The following C4orf36 variants were observed in gnomAD, a reference collection of about 807,000 sequenced individuals.
C4orf36 encodes chromosome 4 open reading frame 36.
A neutral mutation model predicts 12.2 loss-of-function variants in C4orf36; 11 were observed. That is an observed-to-expected ratio of 0.90 (90% CI 0.57 to 1.49). The LOEUF is 1.49. Among genes scored for constraint, C4orf36 ranks in the 40% most tolerant of loss-of-function variants. The probability of loss-of-function intolerance (pLI) is 0.00; values close to 1 mark genes in which losing one functional copy is unlikely to be tolerated. For synonymous variants in C4orf36, 54 were observed against 51.3 expected (o/e 1.05, Z -0.22); for missense variants, 137 against 133.9 (o/e 1.02, Z -0.11).
chr4:86,905,262 C>T, the C4orf36 span, among the ~76,000 whole-genome samples: 13 of 151,528 alleles, frequency 8.6e-5, no homozygotes, highest in Non-Finnish European at 1.9e-4. Context: ...ACATGCCTGT[C>T]GTCCTTGCTA....
At chr4:86,934,926 G>C in the C4orf36 span, 1 of 152,096 alleles carries the variant, frequency 6.6e-6, no homozygotes, top group African/African-American at 2.4e-5. Context: ...CGGTACCGCA[G>C]CTCGGGAGGT....
chr4:86,928,811 C>T, the C4orf36 span, among the ~76,000 whole-genome samples: 1 of 152,100 alleles, frequency 6.6e-6, no homozygotes, highest in Non-Finnish European at 1.5e-5. Context: ...TATTTAACTC[C>T]CTCTGCCCAC....
chr4:86,908,200 C>T, the C4orf36 span, among the ~76,000 whole-genome samples: 7 of 150,884 alleles, frequency 4.6e-5, no homozygotes, highest in African/African-American at 1.7e-4. Flanking sequence ...CACACACACA[C>T]ACACACACAC....
chr4:86,935,079 C>T, the C4orf36 span: 19 of 152,194 alleles, frequency 1.2e-4, no homozygotes, highest in Non-Finnish European at 1.6e-4. Flanking sequence ...GCGTTGCGGC[C>T]GCAGCTGCAC....
At chr4:86,935,880 G>C in the C4orf36 span, 1 of 152,116 alleles carries the variant, frequency 6.6e-6, no homozygotes, top group Non-Finnish European at 1.5e-5. Context: ...TTTTTCCCTC[G>C]GGTGTCCCAT....
the C4orf36 span, among the ~76,000 whole-genome samples, chr4:86,906,536 T>C: frequency 2.0e-5 from 3 of 151,728 alleles, no homozygotes; most frequent in East Asian, 5.9e-4. Context: ...GAGACCAGCC[T>C]GGGCAACATG....
chr4:86,917,598 A>AGGAGGGAG, the C4orf36 span, among the ~76,000 whole-genome samples: 1 of 147,510 alleles, frequency 6.8e-6, no homozygotes, highest in Non-Finnish European at 1.5e-5. Context: ...AAGGGAAAGA[A>AGGAGGGAG]GGAGGGAGGA....
chr4:86,892,239 A>C lies in C4orf36; in HGVS notation c.-130T>G, dbSNP rs1747449026. 1.4e-5 allele frequency: 14 copies of C among 985,740 alleles called. No individual in the cohort carries two copies. The highest frequency in any genetic ancestry group is 1.7e-5 in the Non-Finnish European group (14 of 830,222). The allele number at this position is 985,740 out of a possible 1,614,324, so 61.1% of individuals were successfully genotyped here. Reference sequence around the variant, plus strand: ...AATGCGCTGTGTGCGCGGGGCTTCCAGGGTGGCGGGTCCCCGCGAGCCGGC... The same window carrying C: ...AATGCGCTGTGTGCGCGGGGCTTCCCGGGTGGCGGGTCCCCGCGAGCCGGC... On this transcript the variant is annotated 5_prime_UTR_variant, in exon 1 of 5. Coordinates refer to ENST00000295898, the MANE Select transcript of C4orf36 (RefSeq NM_144645.4).
the C4orf36 span, among the ~76,000 whole-genome samples, chr4:86,931,558 C>A: frequency 6.6e-6 from 1 of 152,044 alleles, no homozygotes; most frequent in Admixed American, 6.6e-5. Context: ...ACAACCATGC[C>A]TAGCTAATTT....
the C4orf36 span, among the ~76,000 whole-genome samples, chr4:86,904,023 C>T: frequency 0.03 from 4,503 of 152,322 alleles, 241 homozygotes; most frequent in African/African-American, 0.1. Context: ...CATTTACAAT[C>T]CTTTAGCTAG....
At chr4:86,933,100 T>G in the C4orf36 span, 1 of 152,302 alleles carries the variant, frequency 6.6e-6, no homozygotes, top group South Asian at 2.1e-4. Flanking sequence ...ATTGACTATT[T>G]ATATAAGATG....
At chr4:86,901,092 C>T in the C4orf36 span, among the ~76,000 whole-genome samples, 23,794 of 150,522 alleles carry the variant, frequency 0.16, 2,195 homozygotes, top group Middle Eastern at 0.21. Context: ...TCAAGTGATT[C>T]TCGCGCTTCA....
chr4:86,882,963 C>T (rs894194877), intron 4 of C4orf36, among the ~76,000 whole-genome samples: 4 of 152,154 alleles, frequency 2.6e-5, no homozygotes, highest in South Asian at 2.1e-4. Context: ...CTTCCCAATT[C>T]GCAAACTGAT....
the C4orf36 span, among the ~76,000 whole-genome samples, chr4:86,916,685 G>C: frequency 6.6e-6 from 1 of 152,072 alleles, no homozygotes; most frequent in Non-Finnish European, 1.5e-5. Context: ...ACATATTCTG[G>C]GTATAAATGC....
the C4orf36 span, among the ~76,000 whole-genome samples, chr4:86,931,590 G>A: frequency 6.6e-6 from 1 of 152,078 alleles, no homozygotes; most frequent in Non-Finnish European, 1.5e-5. Context: ...GTAGATACAG[G>A]AACTCACTAC....
the C4orf36 span, chr4:86,913,933 T>C: frequency 7.0e-7 from 1 of 1,421,272 alleles, no homozygotes; most frequent in Non-Finnish European, 9.8e-7. Context: ...CACGCCATTC[T>C]CCTGCCTCAG....
chr4:86,882,796 G>A (rs1747079218), intron 4 of C4orf36, among the ~76,000 whole-genome samples: 1 of 152,140 alleles, frequency 6.6e-6, no homozygotes, highest in Admixed American at 6.5e-5. Flanking sequence ...CATTGCACAT[G>A]TGCTTGACTA....
At chr4:86,921,098 G>A in the C4orf36 span, among the ~76,000 whole-genome samples, 5 of 151,306 alleles carry the variant, frequency 3.3e-5, no homozygotes, top group African/African-American at 9.8e-5. Flanking sequence ...CTTGGAGGTG[G>A]AGGCTGTGGT....
At chr4:86,896,721 G>A (rs1747597589), upstream of C4orf36, among the ~76,000 whole-genome samples, 1 of 152,142 alleles carries the variant, frequency 6.6e-6, no homozygotes, top group African/African-American at 2.4e-5. Flanking sequence ...TCCCAAATCT[G>A]ATTCTCTAGC....
Sources: gnomAD v4.1 joint callset for allele counts (sites outside exome capture counted in the v4.1 genomes callset) on GRCh38, gnomAD v4.1.1 for gene constraint, MANE v1.5 for transcripts, NCBI Gene and HGNC (gene_info 2026-07-23, HGNC 2026-07-21) for gene names.